The following ACSBG1 variants were observed in gnomAD, a reference collection of about 807,000 sequenced individuals.
ACSBG1 encodes the protein long-chain-fatty-acid--CoA ligase ACSBG1.
In ACSBG1, 39 loss-of-function variants were observed where a neutral mutation model predicts 80.2. That is an observed-to-expected ratio of 0.49 (90% CI 0.38 to 0.64). ACSBG1 has a LOEUF of 0.64. ACSBG1 is among the 30% of genes least tolerant of loss of function. The pLI is 0.00. For synonymous variants in ACSBG1, 392 were observed against 379.5 expected (o/e 1.03, Z -0.38); for missense variants, 828 against 966.4 (o/e 0.86, Z 1.90).
At chr15:78,195,785 T>C (rs1188889727) in intron 2 of ACSBG1, among the ~76,000 whole-genome samples, 33 of 152,074 alleles carry the variant, frequency 2.2e-4, no homozygotes, top group Admixed American at 1.8e-3. Flanking sequence ...TCCATGATGA[T>C]GGTGGGAAGG....
chr15:78,178,960 AT>A lies in ACSBG1; in HGVS notation c.1485-130del. The stretch of plus-strand genomic sequence containing the variant: ...AGGTATCCCCTCACAGGGCTTTTGT[AT>A]TTTTACAGGGGACTTACAGCTGAAA... On this transcript the variant is annotated intron_variant, in intron 10 of 13. Coordinates refer to ENST00000258873, the MANE Select transcript of ACSBG1 (RefSeq NM_015162.5). The surrounding 1 kb of genome is among the most constrained non-coding windows in gnomAD (Gnocchi z 4.3). 1 of 938,744 alleles carries A rather than the reference AT, an allele frequency of 1.1e-6. No homozygotes were observed. The highest frequency in any genetic ancestry group is 1.5e-6 in the Non-Finnish European group (1 of 646,132). The allele number at this position is 938,744 out of a possible 1,614,324, so 58.2% of individuals were successfully genotyped here.
chr15:78,222,083 G>T (rs1383523692), intron 1 of ACSBG1, among the ~76,000 whole-genome samples: 1 of 152,040 alleles, frequency 6.6e-6, no homozygotes, highest in Admixed American at 6.6e-5. Context: ...AACAAAATGT[G>T]GTATGTTCAC....
intron 2 of ACSBG1, among the ~76,000 whole-genome samples, chr15:78,203,059 A>C (rs2075182990): frequency 6.6e-6 from 1 of 152,254 alleles, no homozygotes; most frequent in Admixed American, 6.5e-5. Flanking sequence ...GGGAGCAAAA[A>C]AGGGCATACA....
At chr15:78,189,144 TG>T (rs1365991972) in intron 5 of ACSBG1, among the ~76,000 whole-genome samples, 16 of 151,792 alleles carry the variant, frequency 1.1e-4, no homozygotes, top group South Asian at 8.3e-4. Flanking sequence ...CCAGTTAGAA[TG>T]GCAATCATTA....
At chr15:78,215,746 GAAAGAA>G (rs1197617138) in intron 1 of ACSBG1, among the ~76,000 whole-genome samples, 31 of 145,198 alleles carry the variant, frequency 2.1e-4, no homozygotes, top group Non-Finnish European at 3.9e-4. Context: ...AAGAAAGAAA[GAAAGAA>G]AGAAAGAAAG....
chr15:78,232,528 A>G (rs1158366397), intron 1 of ACSBG1, among the ~76,000 whole-genome samples: 1 of 152,128 alleles, frequency 6.6e-6, no homozygotes, highest in Admixed American at 6.5e-5. Context: ...CCTGAGACAC[A>G]GGCTCCTGTG....
chr15:78,226,103 G>A (rs142977451), intron 1 of ACSBG1, among the ~76,000 whole-genome samples: 35 of 152,262 alleles, frequency 2.3e-4, no homozygotes, highest in East Asian at 1.3e-3. Context: ...TATTTTTGTC[G>A]TCTAATCTCT....
intron 1 of ACSBG1, among the ~76,000 whole-genome samples, chr15:78,229,508 A>G (rs979106337): frequency 5.3e-5 from 8 of 152,208 alleles, no homozygotes; most frequent in Non-Finnish European, 1.0e-4. Context: ...AAGCTCTGTC[A>G]GTGGGAACAG....
Position 78,169,219 on chromosome 15 carries a change from TTAAG to T in ACSBG1, c.*2221_*2224del. ...TTTTTCCAAGTGCTTGTTTTATTTA[TTAAG>T]TGTCTACCTGGTAAATGTTTTTTTT... is the stretch of plus-strand genomic sequence containing the variant. On this transcript the variant is annotated 3_prime_UTR_variant, in exon 14 of 14. Coordinates refer to ENST00000258873, the MANE Select transcript of ACSBG1 (RefSeq NM_015162.5). 3 of 374,080 alleles carry T rather than the reference TTAAG, an allele frequency of 8.0e-6. No homozygotes were observed. The highest frequency in any genetic ancestry group is 4.8e-6 in the Non-Finnish European group (1 of 208,320). 23.2% of individuals were successfully genotyped at this position (374,080 alleles called of 1,614,324 possible).
In ACSBG1 at chr15:78,182,486, C is replaced by T. The variant is rs749768827; in HGVS notation, c.874G>A (p.Val292Met). The change falls in exon 7 of 14, where the codon GTG becomes ATG. Residue 292 changes from valine to methionine, a missense_variant. By Grantham distance (21) the Val-to-Met change is conservative. Coordinates refer to ENST00000258873, the MANE Select transcript of ACSBG1 (RefSeq NM_015162.5). ...CCTACATTGTCTTGACTCAGCATCA[C>T]GCCCTTGGGGTTCCCAGTGGTGCCG... ...TSGTTGNPKG[V>M]MLSQDNITWT... The T allele has an allele frequency of 2.0e-5, 33 of 1,614,058 alleles. No individual in the cohort carries two copies. The Middle Eastern group carries it at 4.9e-4, about 24-fold the overall frequency.
chr15:78,180,736 G>A lies in ACSBG1; in HGVS notation c.1253+19C>T, dbSNP rs200102425. On this transcript the variant is annotated intron_variant, in intron 9 of 13. Transcript: ENST00000258873. ...AGCCCACTCTCTCCCCAGGCCTCCC[G>A]CCCGTGGGCCCTCTGTACCTGCCGG... 8.3e-5 allele frequency: 133 copies of A among 1,608,804 alleles called. No homozygotes were observed. Among genetic ancestry groups the A allele is most frequent in the East Asian group, 4.5e-4 (20 of 44,814 alleles).
chr15:78,180,838 C>T lies in ACSBG1; in HGVS notation c.1170G>A (p.Ala390=), dbSNP rs372203439. The part of the protein sequence containing the change: ...EKIMERIQEV[A]AQSGFIRRKM... ...TTCGCCGGATGAAGCCAGACTGAGC[C>T]GCCACCTCCTGGATGCGCTCCATGA... The change falls in exon 9 of 14, where the codon GCG becomes GCA. Residue 390 remains alanine, a synonymous_variant. Transcript: ENST00000258873. 2.5e-5 allele frequency: 41 copies of T among 1,614,228 alleles called. No homozygotes were observed. Among genetic ancestry groups the T allele is most frequent in the Middle Eastern group, 1.6e-4 (1 of 6,062 alleles).
chr15:78,171,652 G>A lies in ACSBG1; in HGVS notation c.2090-123C>T, dbSNP rs1323373646. The stretch of plus-strand genomic sequence containing the variant: ...GGAATTAAGCCAGATAATCAGGACC[G>A]TCAGTAGCCAGCCTCCAAGACAGTG... On this transcript the variant is annotated intron_variant, in intron 13 of 13. Transcript: ENST00000258873. 37 of 749,540 alleles carry A rather than the reference G, an allele frequency of 4.9e-5. 1 individual carries two copies. Among genetic ancestry groups the A allele is most frequent in the South Asian group, 3.3e-4 (20 of 60,066 alleles). The allele number at this position is 749,540 out of a possible 1,614,324, so 46.4% of individuals were successfully genotyped here. A position where few individuals can be genotyped will look rare whatever the true frequency, so the allele number is the denominator to read the frequency against.
Position 78,178,732 on chromosome 15 carries a change from G to A in ACSBG1, c.1584C>T (p.Gly528=), listed in dbSNP as rs758713908. 2.5e-6 allele frequency: 4 copies of A among 1,614,130 alleles called. No homozygotes were observed. The highest frequency in any genetic ancestry group is 1.1e-5 in the South Asian group (1 of 91,076). Residue 528 remains glycine (G), a synonymous_variant, in exon 11 of 14, where the codon GGC becomes GGT. Transcript: ENST00000258873. This position sits in a 1 kb window ranked among gnomAD's most constrained non-coding sequence, Gnocchi z 4.3. ...ICLWGRTIFM[G]YLNMEDKTCE... is the part of the protein sequence containing the mutation. ...AAGTCTTGTCCTCCATGTTCAGGTA[G>A]CCCATGAATATGGTGCGGCCCCACA...
chr15:78,193,917 G>GCC lies in ACSBG1; in HGVS notation c.542+13_542+14dup. The GCC allele has an allele frequency of 6.2e-7, 1 of 1,613,102 alleles. No individual in the cohort carries two copies. Among genetic ancestry groups the GCC allele is most frequent in the Non-Finnish European group, 8.5e-7 (1 of 1,179,648 alleles). On this transcript the variant is annotated intron_variant, in intron 4 of 13. Coordinates refer to ENST00000258873, the MANE Select transcript of ACSBG1 (RefSeq NM_015162.5). ...CCAACCCCCTGGAGACCCCGTCCCT[G>GCC]CCCCCGCCACTCACCCTGCAAATAC...
intron 1 of ACSBG1, among the ~76,000 whole-genome samples, chr15:78,221,976 G>A (rs2075362986): frequency 6.6e-6 from 1 of 152,164 alleles, no homozygotes; most frequent in Admixed American, 6.5e-5. Flanking sequence ...TCAAAATGGA[G>A]TTTCTTATGT....
At position 78,234,552 on chromosome 15, in the gene ACSBG1, A is replaced by C. The variant is rs760628128; in HGVS notation, c.-51T>G. 1 of 1,532,872 alleles carries C rather than the reference A, an allele frequency of 6.5e-7. No homozygotes were observed. Among genetic ancestry groups the C allele is most frequent in the Non-Finnish European group, 8.8e-7 (1 of 1,134,562 alleles). The allele number at this position is 1,532,872 out of a possible 1,614,324, so 95.0% of individuals were successfully genotyped here. Reference sequence around the variant, plus strand: ...GCTCAGTCACCCACTGAGAGAGGCTAGCCTTGAGTGAGCAGTGGGGGTGGG... The same window carrying C: ...GCTCAGTCACCCACTGAGAGAGGCTCGCCTTGAGTGAGCAGTGGGGGTGGG... On this transcript the variant is annotated 5_prime_UTR_variant, in exon 1 of 14. Transcript: ENST00000258873.
chr15:78,207,736 C>T, intron 2 of ACSBG1: 1 of 471,038 alleles, frequency 2.1e-6, no homozygotes, highest in Non-Finnish European at 3.8e-6. Flanking sequence ...TCCTACCTGT[C>T]TCTCTATCTC....
rs2074833987 is a variant in ACSBG1, at chr15:78,172,316, T to C, written c.2090-787A>G. Among the ~76,000 whole-genome samples the C allele has an allele frequency of 6.6e-6, 1 of 152,266 alleles. No individual in the cohort carries two copies. Among genetic ancestry groups the C allele is most frequent in the South Asian group, 2.1e-4 (1 of 4,836 alleles). On this transcript the variant is annotated intron_variant, in intron 13 of 13. Coordinates refer to ENST00000258873, the MANE Select transcript of ACSBG1 (RefSeq NM_015162.5). The surrounding 1 kb of genome is among the most constrained non-coding windows in gnomAD (Gnocchi z 4.1). ...CAATGTATTAGATAGCTAGTACACA[T>C]CATCTCTGCATTTTTGTGAACGTTT...
Sources: allele counts gnomAD v4.1 joint callset (sites outside exome capture counted in the v4.1 genomes callset), GRCh38; gene constraint gnomAD v4.1.1; non-coding constraint Gnocchi (gnomAD v3.1); transcripts MANE v1.5; gene names NCBI Gene and HGNC (gene_info 2026-07-23, HGNC 2026-07-21).